Variants in PPA2 observed in about 807,000 individuals in gnomAD.
The protein encoded by PPA2 is inorganic pyrophosphatase 2, also known as inorganic pyrophosphatase 2, mitochondrial.
In PPA2, 48 loss-of-function variants were observed where a neutral mutation model predicts 49.5. The ratio of observed to expected loss-of-function variants is 0.97; its 90% confidence interval spans 0.77 to 1.23. PPA2 has a LOEUF of 1.23. Ranked by LOEUF, PPA2 falls within the 50% of genes most tolerant of loss-of-function variation. The pLI is 0.00. For missense variants in PPA2, 429 were observed against 410.1 expected, an observed-to-expected ratio of 1.05 and a Z score of -0.40; for synonymous variants, 131 against 139.9, an observed-to-expected ratio of 0.94 and a Z score of 0.45.
intron 9 of PPA2, 75 bp from the exon 10 acceptor site, chr4:105,386,711 C>T: frequency 3.7e-6 from 4 of 1,068,652 alleles, no homozygotes; most frequent in Non-Finnish European, 4.2e-6. Context: ...CAAAAACTAA[C>T]TCCAAATACT....
Position 105,425,212 on chromosome 4 carries a change from A to G in PPA2, c.529-890T>C, listed in dbSNP as rs542916135. ...CCAAGATCCTGTCAATATGCAAGAA[A>G]ATGTAAACCCTAAATGGGGAAAAAA... is the stretch of plus-strand genomic sequence containing the variant. On this transcript the variant is annotated intron_variant, in intron 6 of 11. Coordinates refer to ENST00000341695, the MANE Select transcript of PPA2 (RefSeq NM_176869.3). Among the ~76,000 whole-genome samples, 41 of 152,354 alleles carry G rather than the reference A, an allele frequency of 2.7e-4. No homozygotes were observed. In the South Asian group the frequency reaches 3.5e-3, roughly 13 times the overall value.
intron 6 of PPA2, among the ~76,000 whole-genome samples, chr4:105,435,155 A>G (rs1723990975): frequency 1.3e-5 from 2 of 152,100 alleles, no homozygotes; most frequent in African/African-American, 4.8e-5. Flanking sequence ...ACTTCCTACC[A>G]CTATGTTTCT....
rs76859591 is a variant in PPA2, at chr4:105,381,819, G to C, written c.939+4748C>G. ...TTAAAAGAAAGAAAACCCAGCTTTT[G>C]TTTTAGTTGATCCTGTCATTATTTG... On this transcript the variant is annotated intron_variant, in intron 10 of 11. Coordinates refer to ENST00000341695, the MANE Select transcript of PPA2 (RefSeq NM_176869.3). Among the ~76,000 whole-genome samples the C allele has an allele frequency of 9.1e-3, 1,389 of 151,930 alleles. 25 individuals carry two copies. Among genetic ancestry groups the C allele is most frequent in the African/African-American group, 0.032 (1,317 of 41,504 alleles).
At chr4:105,377,318 C>G (rs1268352058) in intron 10 of PPA2, among the ~76,000 whole-genome samples, 1 of 152,122 alleles carries the variant, frequency 6.6e-6, no homozygotes, top group Non-Finnish European at 1.5e-5. Flanking sequence ...GACAATAAAA[C>G]CCAACATTTA....
intron 1 of PPA2, among the ~76,000 whole-genome samples, chr4:105,463,813 G>A (rs1428668005): frequency 4.6e-5 from 7 of 152,220 alleles, no homozygotes; most frequent in African/African-American, 1.7e-4. Context: ...GCCTGCGGGT[G>A]CACAGAAGTC....
intron 5 of PPA2, among the ~76,000 whole-genome samples, chr4:105,445,510 T>A (rs1254401404): frequency 6.6e-6 from 1 of 152,150 alleles, no homozygotes; most frequent in Non-Finnish European, 1.5e-5. Context: ...TTCCTGTGAA[T>A]GTTTATTCTA....
intron 7 of PPA2, chr4:105,405,643 C>A: frequency 2.0e-6 from 2 of 1,014,360 alleles, no homozygotes; most frequent in Non-Finnish European, 1.2e-6. Context: ...CATTCTGCTT[C>A]GGAAAAAACA....
intron 7 of PPA2, among the ~76,000 whole-genome samples, chr4:105,400,897 A>G (rs923589): frequency 0.6 from 91,317 of 151,938 alleles, 27,494 homozygotes; most frequent in East Asian, 0.68. Context: ...AATGGAAATA[A>G]GAAGTATAAC....
At chr4:105,427,107 C>A (rs1723550506) in intron 6 of PPA2, among the ~76,000 whole-genome samples, 1 of 152,154 alleles carries the variant, frequency 6.6e-6, no homozygotes, top group African/African-American at 2.4e-5. Context: ...AGCTGAGGGA[C>A]CTGTCTGTTA....
chr4:105,427,986 C>G (rs572093894), intron 6 of PPA2, among the ~76,000 whole-genome samples: 2 of 152,330 alleles, frequency 1.3e-5, no homozygotes, highest in South Asian at 2.1e-4. Context: ...GCCCATCAGA[C>G]TAACAGCAGA....
At chr4:105,443,101 G>A (rs370373601) in intron 5 of PPA2, among the ~76,000 whole-genome samples, 6 of 152,228 alleles carry the variant, frequency 3.9e-5, no homozygotes, top group African/African-American at 1.2e-4. Flanking sequence ...TATACAGCAG[G>A]TTACAATTTG....
intron 6 of PPA2, among the ~76,000 whole-genome samples, chr4:105,435,015 T>C (rs72950567): frequency 0.013 from 2,026 of 152,334 alleles, 45 homozygotes; most frequent in African/African-American, 0.047. Flanking sequence ...AGACACCAAA[T>C]GAACAATACA....
chr4:105,467,733 A>G (rs1723365548), intron 1 of PPA2, among the ~76,000 whole-genome samples: 1 of 152,156 alleles, frequency 6.6e-6, no homozygotes. Flanking sequence ...GTACATTTCA[A>G]AAAAATATGC....
intron 1 of PPA2, among the ~76,000 whole-genome samples, chr4:105,470,698 G>C (rs550922432): frequency 6.6e-6 from 1 of 152,236 alleles, no homozygotes; most frequent in Admixed American, 6.5e-5. Flanking sequence ...TACCTATCAC[G>C]TGTGAGACAC....
chr4:105,448,681 G>A (rs1467983116), intron 4 of PPA2, among the ~76,000 whole-genome samples: 1 of 151,356 alleles, frequency 6.6e-6, no homozygotes, highest in East Asian at 1.9e-4. Flanking sequence ...AAATCTAAAG[G>A]AGAATTGAGT....
intron 1 of PPA2, among the ~76,000 whole-genome samples, chr4:105,471,175 T>C (rs1723508318): frequency 1.3e-5 from 2 of 152,122 alleles, no homozygotes; most frequent in Admixed American, 6.5e-5. Context: ...AACTAAGCAG[T>C]CTGGAAAATG....
intron 1 of PPA2, among the ~76,000 whole-genome samples, chr4:105,471,165 A>G (rs920558394): frequency 6.6e-6 from 1 of 152,174 alleles, no homozygotes; most frequent in Non-Finnish European, 1.5e-5. Context: ...GCTTGTGTTC[A>G]ACTAAGCAGT....
intron 1 of PPA2, among the ~76,000 whole-genome samples, chr4:105,467,486 A>G (rs760431829): frequency 2.0e-5 from 3 of 152,256 alleles, no homozygotes; most frequent in Non-Finnish European, 2.9e-5. Context: ...GCTATGGTAC[A>G]TATTTCAAAA....
chr4:105,419,095 A>C (rs1277977533), intron 7 of PPA2, among the ~76,000 whole-genome samples: 2 of 152,184 alleles, frequency 1.3e-5, no homozygotes, highest in Non-Finnish European at 2.9e-5. Context: ...GCATTAGGGC[A>C]TGAAACCTAA....
Sources: gnomAD v4.1 joint callset for allele counts (sites outside exome capture counted in the v4.1 genomes callset) on GRCh38, gnomAD v4.1.1 for gene constraint, MANE v1.5 for transcripts, NCBI Gene and HGNC (gene_info 2026-07-23, HGNC 2026-07-21) for gene names.